The following AP1S3 variants were observed in gnomAD, a reference collection of about 807,000 sequenced individuals.
The protein encoded by AP1S3 is adaptor related protein complex 1 subunit sigma 3, also known as AP-1 complex subunit sigma-3.
In AP1S3, 10 loss-of-function variants were observed where a neutral mutation model predicts 20.9. That is an observed-to-expected ratio of 0.48 (90% CI 0.29 to 0.81). The LOEUF is 0.81. AP1S3 is among the 30% of genes least tolerant of loss of function. AP1S3 has a pLI of 0.08. For missense variants in AP1S3, 154 were observed against 183.8 expected (o/e 0.84, Z 0.94); for synonymous variants, 41 against 61.5 (o/e 0.67, Z 1.56).
intron 3 of AP1S3, chr2:223,773,343 A>C: frequency 1.5e-6 from 2 of 1,304,194 alleles, no homozygotes; most frequent in Non-Finnish European, 2.0e-6. Flanking sequence ...CTCTTGCAAA[A>C]GGCCAAGTCT....
chr2:223,785,152 C>T (rs1373784803), intron 1 of AP1S3, among the ~76,000 whole-genome samples: 3 of 152,026 alleles, frequency 2.0e-5, no homozygotes, highest in Non-Finnish European at 4.4e-5. Context: ...ATCAGCCTGG[C>T]CAACATGGCA....
chr2:223,770,385 T>C, intron 3 of AP1S3: 1 of 1,544,442 alleles, frequency 6.5e-7, no homozygotes, highest in Non-Finnish European at 8.7e-7. Context: ...TATACCCCAC[T>C]TTGACACGTC....
chr2:223,758,385 T>A lies in AP1S3; in HGVS notation c.*330A>T, dbSNP rs894507986. ...AATATTGTGTCAAATGCAAAAAAAA[T>A]TGCAGCTAATGTATCTAAACCAGCT... On this transcript the variant is annotated 3_prime_UTR_variant, in exon 5 of 5. Coordinates refer to ENST00000396654, the MANE Select transcript of AP1S3 (RefSeq NM_001039569.2). 8 of 1,044,964 alleles carry A rather than the reference T, an allele frequency of 7.7e-6. No individual in the cohort carries two copies. The highest frequency in any genetic ancestry group is 4.6e-4 in the Middle Eastern group (1 of 2,192). The allele number at this position is 1,044,964 out of a possible 1,614,324, so 64.7% of individuals were successfully genotyped here. A position where few individuals can be genotyped will look rare whatever the true frequency, so the allele number is the denominator to read the frequency against.
rs1244687267 is a variant in AP1S3, at chr2:223,765,254, T to G, written c.388A>C (p.Ile130Leu). Residue 130 changes from isoleucine to leucine, a missense_variant, in exon 4 of 5, where the codon ATT (isoleucine) becomes CTT (leucine). By Grantham distance (5) the Ile-to-Leu change is conservative. Coordinates refer to ENST00000396654, the MANE Select transcript of AP1S3 (RefSeq NM_001039569.2). ...GGEIQETSKK[I>L]AVKAIEDSDM... The stretch of plus-strand genomic sequence containing the variant: ...GAGTCTTCAATGGCTTTGACAGCAA[T>G]TTTCTTGGATGTTTCCTGAATTTCC... 6.2e-7 allele frequency: 1 copy of G among 1,614,130 alleles called. No homozygotes were observed.
intron 1 of AP1S3, among the ~76,000 whole-genome samples, chr2:223,805,276 T>TA (rs1021396944): frequency 6.6e-6 from 1 of 151,954 alleles, no homozygotes; most frequent in Non-Finnish European, 1.5e-5. Flanking sequence ...CCATCTCTAC[T>TA]AAAAAAAGAA....
chr2:223,811,399 C>G (rs1691722916), intron 1 of AP1S3, among the ~76,000 whole-genome samples: 1 of 151,988 alleles, frequency 6.6e-6, no homozygotes, highest in African/African-American at 2.4e-5. Context: ...AAAACCCCTT[C>G]TCTACTAAAA....
Position 223,757,498 on chromosome 2 carries a change from G to C in AP1S3, c.*1217C>G. On this transcript the variant is annotated 3_prime_UTR_variant, in exon 5 of 5. Transcript: ENST00000396654. ...AGATGGGGTTTCATCATATTGGCCAGGCTGCTCTCGAACTCCTGACCTCAA... is the reference window on the plus strand; with the variant it reads ...AGATGGGGTTTCATCATATTGGCCACGCTGCTCTCGAACTCCTGACCTCAA... 1 of 671,262 alleles carries C rather than the reference G, an allele frequency of 1.5e-6. No individual in the cohort carries two copies. Among genetic ancestry groups the C allele is most frequent in the Non-Finnish European group, 1.8e-6 (1 of 543,628 alleles). 41.6% of individuals were successfully genotyped at this position (671,262 alleles called of 1,614,324 possible).
chr2:223,801,333 A>G (rs1250403898), intron 1 of AP1S3, among the ~76,000 whole-genome samples: 1 of 152,220 alleles, frequency 6.6e-6, no homozygotes, highest in African/African-American at 2.4e-5. Flanking sequence ...CATTCTCTTA[A>G]CAGCAATGCA....
At chr2:223,780,300 TATATATATAGAG>T (rs1353984820) in intron 1 of AP1S3, among the ~76,000 whole-genome samples, 78 of 52,772 alleles carry the variant, frequency 1.5e-3, no homozygotes, top group Non-Finnish European at 1.8e-3. Flanking sequence ...TATATATATA[TATATATATAGAG>T]AGAGAGAGAG....
At position 223,771,173 on chromosome 2, in the gene AP1S3, T is replaced by C. The variant is rs190509909; in HGVS notation, c.291+4728A>G. 4.8e-3 allele frequency among the ~76,000 whole-genome samples: 733 copies of C among 151,724 alleles called. 4 individuals carry two copies. The highest frequency in any genetic ancestry group is 0.017 in the African/African-American group (711 of 41,428). ...CAACATGGTGAGACCCTGTCTCTAC[T>C]AAACATACAAAAAATTAGCCAGGCA... On this transcript the variant is annotated intron_variant, in intron 3 of 4. Coordinates refer to ENST00000396654, the MANE Select transcript of AP1S3 (RefSeq NM_001039569.2).
intron 1 of AP1S3, among the ~76,000 whole-genome samples, chr2:223,820,643 ATGATT>A (rs1691964983): frequency 6.8e-6 from 1 of 147,718 alleles, no homozygotes; most frequent in Non-Finnish European, 1.5e-5. Flanking sequence ...CTAGGAAATG[ATGATT>A]CAGTGATTCC....
chr2:223,821,766 T>C (rs1360225712), intron 1 of AP1S3, among the ~76,000 whole-genome samples: 2 of 152,192 alleles, frequency 1.3e-5, no homozygotes, highest in Non-Finnish European at 2.9e-5. Context: ...CAAGGACATA[T>C]GCTTAACAAC....
rs1690315913 is a variant in AP1S3, at chr2:223,760,040, G to A, written c.430-1290C>T. Among the ~76,000 whole-genome samples the A allele has an allele frequency of 2.0e-5, 3 of 151,906 alleles. No homozygotes were observed. The South Asian group carries it at 6.2e-4, about 32-fold the overall frequency. On this transcript the variant is annotated intron_variant, in intron 4 of 4. Coordinates refer to ENST00000396654, the MANE Select transcript of AP1S3 (RefSeq NM_001039569.2). ...TTTCAGCATTTAAAAAAAAATGTTTGAACAGACTCACAATTACAGGTAGAG... is the reference window on the plus strand; with the variant it reads ...TTTCAGCATTTAAAAAAAAATGTTTAAACAGACTCACAATTACAGGTAGAG...
chr2:223,773,660 A>G (rs1170954369), intron 3 of AP1S3, among the ~76,000 whole-genome samples: 1 of 152,200 alleles, frequency 6.6e-6, no homozygotes, highest in Non-Finnish European at 1.5e-5. Flanking sequence ...CATCCTTATG[A>G]AAAGTGTTGC....
intron 1 of AP1S3, among the ~76,000 whole-genome samples, chr2:223,786,909 A>C (rs1291610834): frequency 6.6e-6 from 1 of 152,014 alleles, no homozygotes; most frequent in Non-Finnish European, 1.5e-5. Flanking sequence ...TGTCTCAAAA[A>C]AACAAAAAAA....
In AP1S3 at chr2:223,757,673, T is replaced by C; in HGVS notation, c.*1042A>G. 1 of 985,390 alleles carries C rather than the reference T, an allele frequency of 1.0e-6. No homozygotes were observed. Among genetic ancestry groups the C allele is most frequent in the South Asian group, 4.7e-5 (1 of 21,292 alleles). The allele number at this position is 985,390 out of a possible 1,614,324, so 61.0% of individuals were successfully genotyped here. A position where few individuals can be genotyped will look rare whatever the true frequency, so the allele number is the denominator to read the frequency against. ...CATTCCAGGAAGCACAAATGTGATA[T>C]ACTTACAGTAATAATGGTCAGCAGC... On this transcript the variant is annotated 3_prime_UTR_variant, in exon 5 of 5. Coordinates refer to ENST00000396654, the MANE Select transcript of AP1S3 (RefSeq NM_001039569.2).
chr2:223,803,302 C>T (rs1176705748), intron 1 of AP1S3, among the ~76,000 whole-genome samples: 1 of 152,116 alleles, frequency 6.6e-6, no homozygotes, highest in Admixed American at 6.6e-5. Context: ...AATTTTTTAA[C>T]TTATATGCAA....
intron 1 of AP1S3, among the ~76,000 whole-genome samples, chr2:223,816,340 GAA>G (rs72262557): frequency 1.6e-4 from 24 of 147,980 alleles, no homozygotes; most frequent in Non-Finnish European, 2.1e-4. Context: ...CCATGCTTCT[GAA>G]AAAAAAAAAA....
intron 4 of AP1S3, among the ~76,000 whole-genome samples, chr2:223,758,967 A>G (rs1315150344): frequency 6.6e-6 from 1 of 152,206 alleles, no homozygotes; most frequent in African/African-American, 2.4e-5. Context: ...CAACTGAGAA[A>G]AAGTTAAGCT....
Sources: gnomAD v4.1 joint callset for allele counts (sites outside exome capture counted in the v4.1 genomes callset) on GRCh38, gnomAD v4.1.1 for gene constraint, MANE v1.5 for transcripts, NCBI Gene and HGNC (gene_info 2026-07-23, HGNC 2026-07-21) for gene names.